COL4A5: variants seen among roughly 807,000 people sequenced by gnomAD.
COL4A5 encodes collagen alpha-5(IV) chain.
In COL4A5, 26 loss-of-function variants were observed where a neutral mutation model predicts 130.2. That is an observed-to-expected ratio of 0.20 (90% CI 0.15 to 0.28). The LOEUF (loss-of-function observed/expected upper bound fraction) is 0.28, where lower values mean the gene tolerates loss of function less well. Ranked by LOEUF, COL4A5 falls within the 10% of genes least tolerant of loss-of-function variation. The probability of loss-of-function intolerance (pLI) is 1.00; values close to 1 mark genes in which losing one functional copy is unlikely to be tolerated. For synonymous variants in COL4A5, 496 were observed against 439.6 expected, an observed-to-expected ratio of 1.13 and a Z score of -1.60; for missense variants, 1,131 against 1,344.3, an observed-to-expected ratio of 0.84 and a Z score of 2.48.
intron 1 of COL4A5, among the ~76,000 whole-genome samples, chrX:108,464,935 A>G (rs1031300240): frequency 8.9e-6 from 1 of 112,141 alleles, no homozygotes; most frequent in East Asian, 2.8e-4. Context: ...TTTACATACA[A>G]TAAAATGTAC....
chrX:108,489,611 G>A (rs760645181), intron 1 of COL4A5, among the ~76,000 whole-genome samples: 1 of 111,630 alleles, frequency 9.0e-6, no homozygotes, highest in African/African-American at 3.2e-5. Flanking sequence ...TAATATTATT[G>A]AATTTGTATT....
At chrX:108,552,682 A>T (rs1285645300) in intron 2 of COL4A5, among the ~76,000 whole-genome samples, 2 of 112,111 alleles carry the variant, frequency 1.8e-5, no homozygotes, top group Admixed American at 1.9e-4. Context: ...ATGAATTGGA[A>T]GACTCAATAT....
chrX:108,682,766 T>A (rs1460051278), intron 47 of COL4A5, among the ~76,000 whole-genome samples: 4 of 112,039 alleles, frequency 3.6e-5, no homozygotes, highest in Non-Finnish European at 7.5e-5. Context: ...GTAAATTTGT[T>A]TAAGTTCCTT....
intron 30 of COL4A5, among the ~76,000 whole-genome samples, chrX:108,619,618 A>G (rs1397781840): frequency 8.9e-6 from 1 of 112,007 alleles, no homozygotes; most frequent in Non-Finnish European, 1.9e-5. Flanking sequence ...AAGATGACAA[A>G]AAATACTAAT....
intron 41 of COL4A5, among the ~76,000 whole-genome samples, chrX:108,669,701 T>C (rs773092315): frequency 9.8e-5 from 11 of 112,156 alleles, no homozygotes; most frequent in African/African-American, 2.6e-4. Flanking sequence ...ATCACTGTGG[T>C]TATTCGTTCT....
intron 32 of COL4A5, 133 bp from the exon 33 acceptor site, chrX:108,622,543 T>G (rs896478971): frequency 7.6e-5 from 47 of 617,477 alleles, no homozygotes; most frequent in Non-Finnish European, 1.2e-4. Context: ...ATTCATAGAG[T>G]ACATCCAAGG....
Position 108,554,589 on chromosome X carries a change from G to A in COL4A5, c.142-4475G>A, listed in dbSNP as rs2065797377. 1.8e-5 allele frequency among the ~76,000 whole-genome samples: 2 copies of A among 112,005 alleles called. 1 individual carries two copies. The highest frequency in any genetic ancestry group is 3.8e-5 in the Non-Finnish European group (2 of 53,199). ...TGTGTCAAAACTTTTGGCCAGGCAT[G>A]GTGGCTCACAACTGTAATCCCAGCA... On this transcript the variant is annotated intron_variant, in intron 2 of 52. Coordinates refer to ENST00000328300, the MANE Select transcript of COL4A5 (RefSeq NM_033380.3).
intron 41 of COL4A5, among the ~76,000 whole-genome samples, chrX:108,669,450 G>T: frequency 8.9e-6 from 1 of 111,809 alleles, no homozygotes; most frequent in Middle Eastern, 4.7e-3. Context: ...AATTAAATGG[G>T]ATCACATACT....
intron 1 of COL4A5, among the ~76,000 whole-genome samples, chrX:108,465,674 A>G (rs1305291003): frequency 8.9e-6 from 1 of 111,966 alleles, no homozygotes; most frequent in African/African-American, 3.2e-5. Flanking sequence ...TTTAACTATT[A>G]ATACACTAAA....
intron 1 of COL4A5, 158 bp downstream of exon 1, chrX:108,440,364 G>T: frequency 2.2e-6 from 1 of 464,428 alleles, no homozygotes; most frequent in South Asian, 3.1e-5. Flanking sequence ...TTGCAACACC[G>T]GTAACTCAAG....
chrX:108,601,204 T>G (rs955278213), intron 25 of COL4A5, among the ~76,000 whole-genome samples, 189 bp from the exon 26 acceptor site: 24 of 112,192 alleles, frequency 2.1e-4, no homozygotes, highest in African/African-American at 7.4e-4. Context: ...TCCTTTTTCT[T>G]TTTGAAATTC....
intron 4 of COL4A5, among the ~76,000 whole-genome samples, chrX:108,568,292 C>T (rs1186808574): frequency 1.8e-5 from 2 of 111,394 alleles, no homozygotes; most frequent in African/African-American, 3.3e-5. Flanking sequence ...TTGCCACTCC[C>T]CCATCCCCTG....
In COL4A5 at chrX:108,497,039, A is replaced by G. The variant is rs182032680; in HGVS notation, c.82-42707A>G. Among the ~76,000 whole-genome samples, 159 of 111,595 alleles carry G rather than the reference A, an allele frequency of 1.4e-3. 1 individual carries two copies. Among genetic ancestry groups the G allele is most frequent in the African/African-American group, 4.9e-3 (152 of 30,740 alleles). On this transcript the variant is annotated intron_variant, in intron 1 of 52. Coordinates refer to ENST00000328300, the MANE Select transcript of COL4A5 (RefSeq NM_033380.3). ...CCAGTAACTCTCCCGTAATCCCCCA[A>G]ATCTTGGCAACCACTAACCTACTCT...
intron 44 of COL4A5, 79 bp from the exon 45 acceptor site, chrX:108,680,600 T>C: frequency 1.3e-6 from 1 of 786,043 alleles, no homozygotes. Flanking sequence ...TATATGCCAC[T>C]ATGTAATTCT....
intron 31 of COL4A5, 30 bp downstream of exon 31, chrX:108,620,456 GA>G: frequency 1.2e-5 from 14 of 1,141,762 alleles, no homozygotes; most frequent in Non-Finnish European, 1.7e-5. Context: ...CTCTGATTTG[GA>G]TTAAGGAAAT....
intron 43 of COL4A5, among the ~76,000 whole-genome samples, chrX:108,675,497 CA>C (rs1448652241): frequency 2.7e-5 from 3 of 111,620 alleles, no homozygotes; most frequent in Non-Finnish European, 5.7e-5. Flanking sequence ...ATTAAATTGA[CA>C]AGTTTGCTTA....
intron 41 of COL4A5, 37 bp from the exon 42 acceptor site, chrX:108,670,191 T>A: frequency 8.3e-7 from 1 of 1,204,350 alleles, no homozygotes; most frequent in Non-Finnish European, 1.1e-6. Context: ...TTGTTAATGA[T>A]GACATTGGGC....
chrX:108,463,347 T>TC (rs1211231937), intron 1 of COL4A5, among the ~76,000 whole-genome samples: 1 of 111,773 alleles, frequency 8.9e-6, no homozygotes, highest in Non-Finnish European at 1.9e-5. Context: ...TTTATGCTTT[T>TC]CTCAATGTTC....
intron 2 of COL4A5, among the ~76,000 whole-genome samples, chrX:108,546,290 G>T (rs1312648265): frequency 1.2e-4 from 13 of 111,826 alleles, no homozygotes; most frequent in African/African-American, 4.2e-4. Flanking sequence ...AGGAGCTCTT[G>T]TAAGGCAGGC....
Sources: allele counts gnomAD v4.1 joint callset (sites outside exome capture counted in the v4.1 genomes callset), GRCh38; gene constraint gnomAD v4.1.1; transcripts MANE v1.5; gene names NCBI Gene and HGNC (gene_info 2026-07-23, HGNC 2026-07-21).